The following ARHGAP25 variants were observed in gnomAD, a reference collection of about 807,000 sequenced individuals.
ARHGAP25 encodes the protein rho GTPase-activating protein 25.
In ARHGAP25, 34 loss-of-function variants were observed where a neutral mutation model predicts 71.0. The ratio of observed to expected loss-of-function variants is 0.48; its 90% CI spans 0.36 to 0.64. The LOEUF is 0.64. ARHGAP25 is among the 30% of genes least tolerant of loss of function. The pLI, the probability that ARHGAP25 is intolerant of heterozygous loss-of-function variation, is 0.00. For missense variants in ARHGAP25, 706 were observed against 805.1 expected, an observed-to-expected ratio of 0.88 and a Z score of 1.49; for synonymous variants, 282 against 296.5, an observed-to-expected ratio of 0.95 and a Z score of 0.50.
rs552896054 is a variant in ARHGAP25 at position 68,775,565 on chromosome 2, A to G, written c.261+145A>G. ...AGGAAATTGCTTTTCCCTTTACACC[A>G]TTTTCTAGATACATAAACTGAGTTG... On this transcript the variant is annotated intron_variant, in intron 2 of 10. Coordinates refer to ENST00000409202, the MANE Select transcript of ARHGAP25 (RefSeq NM_001007231.3). 2.0e-4 allele frequency: 243 copies of G among 1,223,066 alleles called. 1 individual carries two copies. The highest frequency in any genetic ancestry group is 1.3e-3 in the Admixed American group (64 of 50,610). The allele number at this position is 1,223,066 out of a possible 1,614,324, so 75.8% of individuals were successfully genotyped here. A position where few individuals can be genotyped will look rare whatever the true frequency, so the allele number is the denominator to read the frequency against.
intron 2 of ARHGAP25, among the ~76,000 whole-genome samples, chr2:68,721,470 A>G (rs1349237642): frequency 6.6e-6 from 1 of 152,196 alleles, no homozygotes; most frequent in East Asian, 1.9e-4. Flanking sequence ...CAGTCATGAG[A>G]AGGAATTGGA....
intron 9 of ARHGAP25, 45 bp downstream of exon 9, chr2:68,819,364 A>C: frequency 6.2e-7 from 1 of 1,601,940 alleles, no homozygotes; most frequent in Non-Finnish European, 8.6e-7. Context: ...TTCTTCCTTT[A>C]GTCCAGGCCA....
At chr2:68,774,975 T>C (rs1677765398) in intron 1 of ARHGAP25, 2 of 1,433,222 alleles carry the variant, frequency 1.4e-6, no homozygotes, top group Non-Finnish European at 1.8e-6. Flanking sequence ...GGACTGCCTG[T>C]GCACGGGGCC....
At chr2:68,815,327 CTA>C (rs961772474) in intron 6 of ARHGAP25, among the ~76,000 whole-genome samples, 1 of 151,858 alleles carries the variant, frequency 6.6e-6, no homozygotes, top group African/African-American at 2.4e-5. Flanking sequence ...CTAAGAAGGT[CTA>C]TATCTACGGA....
chr2:68,766,511 A>G (rs1175885521), intron 1 of ARHGAP25, among the ~76,000 whole-genome samples: 2 of 152,196 alleles, frequency 1.3e-5, no homozygotes, highest in African/African-American at 4.8e-5. Context: ...CAGACCCACA[A>G]GAGGCAACTG....
chr2:68,826,258 T>C lies in ARHGAP25; in HGVS notation c.*64T>C, dbSNP rs752268192. 1 of 1,459,850 alleles carries C rather than the reference T, an allele frequency of 6.9e-7. No individual in the cohort carries two copies. Among genetic ancestry groups the C allele is most frequent in the Non-Finnish European group, 9.6e-7 (1 of 1,040,740 alleles). 90.4% of individuals were successfully genotyped at this position (1,459,850 alleles called of 1,614,324 possible). A position where few individuals can be genotyped will look rare whatever the true frequency, so the allele number is the denominator to read the frequency against. ...CCAACTCTGGCCCCTTTCTCAGTGC[T>C]ATCTGATGACGGGGAAACAAAATTA... On this transcript the variant is annotated 3_prime_UTR_variant, in exon 11 of 11. Transcript: ENST00000409202.
intron 5 of ARHGAP25, among the ~76,000 whole-genome samples, chr2:68,809,084 G>T (rs771416543): frequency 2.6e-5 from 4 of 152,106 alleles, no homozygotes; most frequent in Non-Finnish European, 4.4e-5. Context: ...GATTTGGGAG[G>T]TATGACTGAC....
intron 2 of ARHGAP25, among the ~76,000 whole-genome samples, chr2:68,776,087 C>A (rs1382826571): frequency 6.6e-6 from 1 of 152,136 alleles, no homozygotes; most frequent in Non-Finnish European, 1.5e-5. Context: ...CTGGGTAGAT[C>A]TCTGGGGAAA....
chr2:68,788,595 G>T (rs948980811), intron 4 of ARHGAP25, among the ~76,000 whole-genome samples: 1 of 152,100 alleles, frequency 6.6e-6, no homozygotes, highest in Admixed American at 6.5e-5. Context: ...TTTGAGGAGG[G>T]TCCTGACTAA....
chr2:68,825,817 G>T (rs548304336), intron 10 of ARHGAP25, among the ~76,000 whole-genome samples, 170 bp from the exon 11 acceptor site: 23 of 152,064 alleles, frequency 1.5e-4, no homozygotes, highest in Non-Finnish European at 2.6e-4. Flanking sequence ...AGTACTGTGG[G>T]GATTCAGGTT....
At chr2:68,782,942 G>T (rs1016328415) in intron 3 of ARHGAP25, among the ~76,000 whole-genome samples, 1 of 152,220 alleles carries the variant, frequency 6.6e-6, no homozygotes, top group African/African-American at 2.4e-5. Flanking sequence ...TCCTCTGCTA[G>T]CCCTAGCCCT....
intron 1 of ARHGAP25, among the ~76,000 whole-genome samples, chr2:68,751,541 G>A (rs1046543956): frequency 6.6e-6 from 1 of 152,088 alleles, no homozygotes; most frequent in Admixed American, 6.5e-5. Flanking sequence ...TGTTCCAAAC[G>A]ACTTCAGAAT....
intron 1 of ARHGAP25, among the ~76,000 whole-genome samples, chr2:68,751,312 A>G (rs542237769): frequency 1.3e-5 from 2 of 152,350 alleles, no homozygotes; most frequent in Admixed American, 6.5e-5. Flanking sequence ...GATAGAAACC[A>G]GAGGAGAATA....
intron 4 of ARHGAP25, among the ~76,000 whole-genome samples, chr2:68,791,990 C>G (rs972710795): frequency 6.6e-6 from 1 of 152,172 alleles, no homozygotes; most frequent in Non-Finnish European, 1.5e-5. Context: ...TGCCCATTTC[C>G]TCTAAACTAC....
intron 1 of ARHGAP25, among the ~76,000 whole-genome samples, chr2:68,772,235 C>T (rs898349270): frequency 6.6e-6 from 1 of 152,226 alleles, no homozygotes; most frequent in Middle Eastern, 3.2e-3. Context: ...TTCAGTTTCC[C>T]CTAACCCCCA....
At chr2:68,790,983 C>T (rs1277736293) in intron 4 of ARHGAP25, among the ~76,000 whole-genome samples, 1 of 152,192 alleles carries the variant, frequency 6.6e-6, no homozygotes, top group Non-Finnish European at 1.5e-5. Flanking sequence ...AAACATCCTA[C>T]CCGTGTTCCT....
chr2:68,772,211 T>A (rs987904476), intron 1 of ARHGAP25, among the ~76,000 whole-genome samples: 3 of 152,256 alleles, frequency 2.0e-5, no homozygotes, highest in Admixed American at 6.5e-5. Context: ...ACTTCTTCAA[T>A]GCTGTTGGAG....
At chr2:68,786,001 C>G (rs914722795) in intron 3 of ARHGAP25, among the ~76,000 whole-genome samples, 1 of 152,184 alleles carries the variant, frequency 6.6e-6, no homozygotes, top group African/African-American at 2.4e-5. Flanking sequence ...CAACAGAAAC[C>G]TTTCAAACCC....
At chr2:68,808,333 T>A (rs1482856007) in intron 5 of ARHGAP25, among the ~76,000 whole-genome samples, 2 of 152,222 alleles carry the variant, frequency 1.3e-5, no homozygotes, top group African/African-American at 4.8e-5. Context: ...GCTAAGCTTA[T>A]TTTGGACAAT....
Sources: gnomAD v4.1 joint callset for allele counts (sites outside exome capture counted in the v4.1 genomes callset) on GRCh38, gnomAD v4.1.1 for gene constraint, MANE v1.5 for transcripts, NCBI Gene and HGNC (gene_info 2026-07-23, HGNC 2026-07-21) for gene names.